Variants in CLASP1 observed in about 807,000 individuals in gnomAD.
CLASP1 encodes CLIP-associating protein 1.
Under a neutral mutation model 192.3 loss-of-function variants are expected in CLASP1, and 38 were observed. That is an observed-to-expected ratio of 0.20 (90% CI 0.15 to 0.26). The LOEUF (loss-of-function observed/expected upper bound fraction) is 0.26, where lower values mean the gene tolerates loss of function less well. Among genes scored for constraint, CLASP1 ranks in the 10% least tolerant of loss-of-function variants. CLASP1 has a pLI of 1.00. For synonymous variants in CLASP1, 691 were observed against 712.8 expected, an observed-to-expected ratio of 0.97 and a Z score of 0.49; for missense variants, 1,433 against 1,932.5, an observed-to-expected ratio of 0.74 and a Z score of 4.85.
At chr2:121,613,115 CTGAACACACTA>C (rs545078041) in intron 1 of CLASP1, among the ~76,000 whole-genome samples, 16 of 152,214 alleles carry the variant, frequency 1.1e-4, no homozygotes, top group Non-Finnish European at 2.2e-4. Flanking sequence ...ATGAAGGCTA[CTGAACACACTA>C]AATGTCACTG....
intron 34 of CLASP1, among the ~76,000 whole-genome samples, chr2:121,374,157 G>A (rs1160075714): frequency 6.6e-6 from 1 of 152,242 alleles, no homozygotes; most frequent in African/African-American, 2.4e-5. Flanking sequence ...GGTACATGGT[G>A]CCCTGCATCC....
chr2:121,550,416 G>A (rs186352164), intron 2 of CLASP1, among the ~76,000 whole-genome samples: 69 of 150,734 alleles, frequency 4.6e-4, no homozygotes, highest in African/African-American at 1.5e-3. Flanking sequence ...GAAGGAAATC[G>A]AGACATGAAA....
chr2:121,376,526 T>TGGGGGGGGGAGGGGG (rs2070201822), intron 34 of CLASP1, among the ~76,000 whole-genome samples: 190 of 105,148 alleles, frequency 1.8e-3, no homozygotes, highest in Non-Finnish European at 2.2e-3. Context: ...TGGGAAGGGG[T>TGGGGGGGGGAGGGGG]GGGGGGGGGG....
chr2:121,592,926 G>T (rs545647024), intron 2 of CLASP1, among the ~76,000 whole-genome samples: 30 of 152,286 alleles, frequency 2.0e-4, no homozygotes, highest in African/African-American at 7.0e-4. Flanking sequence ...GATTACAGGC[G>T]TGAGCCACCA....
At chr2:121,401,893 C>G (rs527874315) in intron 26 of CLASP1, 23 bp from the exon 28 acceptor site, 2 of 699,466 alleles carry the variant, frequency 2.9e-6, no homozygotes, top group East Asian at 5.6e-5. Flanking sequence ...CCACCGCAAA[C>G]GAGGCCATGC....
intron 8 of CLASP1, among the ~76,000 whole-genome samples, chr2:121,489,093 A>T (rs556647175): frequency 1.7e-4 from 26 of 152,354 alleles, no homozygotes; most frequent in African/African-American, 6.3e-4. Flanking sequence ...CACACTTTCA[A>T]ATCCTCAAAG....
intron 18 of CLASP1, 84 bp downstream of exon 18, chr2:121,448,192 T>C: frequency 8.1e-7 from 1 of 1,228,512 alleles, no homozygotes; most frequent in Non-Finnish European, 1.2e-6. Context: ...GCCGTTGGCC[T>C]CCTGTGCCTG....
intron 8 of CLASP1, among the ~76,000 whole-genome samples, chr2:121,486,123 C>T (rs914406738): frequency 6.6e-6 from 1 of 152,088 alleles, no homozygotes; most frequent in Non-Finnish European, 1.5e-5. Context: ...CAGTAATGAA[C>T]GAGACTGGGT....
At chr2:121,355,678 TG>T (rs1482949944) in intron 37 of CLASP1, among the ~76,000 whole-genome samples, 1 of 152,192 alleles carries the variant, frequency 6.6e-6, no homozygotes, top group Non-Finnish European at 1.5e-5. Flanking sequence ...CTGTGTTCTA[TG>T]TAACATAAGA....
chr2:121,345,453 T>C (rs1252054669), intron 39 of CLASP1, among the ~76,000 whole-genome samples: 1 of 152,194 alleles, frequency 6.6e-6, no homozygotes, highest in African/African-American at 2.4e-5. Flanking sequence ...AAAACCAAGG[T>C]GTGACTCATG....
intron 28 of CLASP1, among the ~76,000 whole-genome samples, chr2:121,400,451 G>T (rs1240112529): frequency 6.6e-6 from 1 of 152,156 alleles, no homozygotes; most frequent in Non-Finnish European, 1.5e-5. Context: ...ATGCCGGCAG[G>T]GCAGGATGTG....
At chr2:121,516,422 G>A (rs1030300338) in intron 6 of CLASP1, among the ~76,000 whole-genome samples, 4 of 152,234 alleles carry the variant, frequency 2.6e-5, no homozygotes, top group African/African-American at 9.6e-5. Flanking sequence ...CAGATGGAAT[G>A]AGCGAATTCC....
At chr2:121,648,580 C>T (rs1381534000) in intron 1 of CLASP1, among the ~76,000 whole-genome samples, 1 of 152,164 alleles carries the variant, frequency 6.6e-6, no homozygotes, top group East Asian at 1.9e-4. Context: ...AAGCCCCATA[C>T]TCATCCCAGC....
chr2:121,464,170 T>C lies in CLASP1; in HGVS notation c.866-1565A>G, dbSNP rs573037626. Among the ~76,000 whole-genome samples, 7 of 152,254 alleles carry C rather than the reference T, an allele frequency of 4.6e-5. No homozygotes were observed. In the South Asian group the frequency reaches 1.0e-3, roughly 23 times the overall value. ...TTCATCCATGTCCCTACAAAGGACA[T>C]GAACTCATCCTTTTTTATGGATGCA... On this transcript the variant is annotated intron_variant, in intron 9 of 39. Coordinates refer to ENST00000263710, the Ensembl canonical transcript of CLASP1.
intron 23 of CLASP1, among the ~76,000 whole-genome samples, chr2:121,412,873 T>C (rs532324896): frequency 1.4e-3 from 210 of 152,352 alleles, no homozygotes; most frequent in Non-Finnish European, 2.5e-3. Flanking sequence ...AAGGCTCTGA[T>C]ACTATTATGA....
At chr2:121,608,611 C>G (rs1179417057) in intron 1 of CLASP1, among the ~76,000 whole-genome samples, 1 of 152,142 alleles carries the variant, frequency 6.6e-6, no homozygotes, top group Non-Finnish European at 1.5e-5. Flanking sequence ...TTCCAGTCGT[C>G]ATCCGACTGC....
intron 5 of CLASP1, 23 bp from the exon 6 acceptor site, chr2:121,525,943 C>T (rs747511950): frequency 6.3e-7 from 1 of 1,581,520 alleles, no homozygotes; most frequent in South Asian, 1.1e-5. Context: ...GGAGTGCTTT[C>T]TTGTTAGTGA....
At chr2:121,366,933 G>A (rs954916622) in intron 35 of CLASP1, among the ~76,000 whole-genome samples, 1 of 152,228 alleles carries the variant, frequency 6.6e-6, no homozygotes, top group Non-Finnish European at 1.5e-5. Context: ...AACCAGACTA[G>A]CTCTGCTTCT....
At chr2:121,415,843 T>C (rs1230988474) in intron 23 of CLASP1, among the ~76,000 whole-genome samples, 2 of 152,222 alleles carry the variant, frequency 1.3e-5, no homozygotes, top group African/African-American at 4.8e-5. Context: ...TTAAGGTCCA[T>C]GTTACTTTAT....
Sources: allele counts gnomAD v4.1 joint callset (sites outside exome capture counted in the v4.1 genomes callset), GRCh38; gene constraint gnomAD v4.1.1; transcripts MANE v1.5; gene names NCBI Gene and HGNC (gene_info 2026-07-23, HGNC 2026-07-21).